The following POLE variants were observed in gnomAD, a reference collection of about 807,000 sequenced individuals.
POLE encodes DNA polymerase epsilon catalytic subunit A.
In POLE, 188 loss-of-function variants were observed where a neutral mutation model predicts 279.2. That is an observed-to-expected ratio of 0.67 (90% CI 0.60 to 0.76). The LOEUF (loss-of-function observed/expected upper bound fraction) is 0.76, where lower values mean the gene tolerates loss of function less well. Ranked by LOEUF, POLE falls within the 30% of genes least tolerant of loss-of-function variation. POLE has a pLI of 0.00. For missense variants in POLE, 2,703 were observed against 3,016.7 expected, an observed-to-expected ratio of 0.90 and a Z score of 2.44; for synonymous variants, 1,214 against 1,172.5, an observed-to-expected ratio of 1.04 and a Z score of -0.72.
intron 31 of POLE, 44 bp downstream of exon 31, chr12:132,649,262 C>T (rs2138603545): frequency 6.3e-7 from 1 of 1,588,540 alleles, no homozygotes; most frequent in Non-Finnish European, 8.6e-7. Context: ...CCTCCCTGGG[C>T]CATCAGCAGA....
chr12:132,635,590 G>A (rs540569058), intron 42 of POLE, among the ~76,000 whole-genome samples: 1 of 152,384 alleles, frequency 6.6e-6, no homozygotes, highest in Non-Finnish European at 1.5e-5. Context: ...TCCGCTGGAG[G>A]CGCCTTATGC....
chr12:132,672,398 C>A, intron 15 of POLE, 76 bp from the exon 16 acceptor site: 1 of 1,276,658 alleles, frequency 7.8e-7, no homozygotes, highest in Non-Finnish European at 1.1e-6. Context: ...GACGCTGTGG[C>A]TGCACGTGGC....
chr12:132,637,890 T>C, intron 41 of POLE, 124 bp downstream of exon 41: 2 of 1,058,830 alleles, frequency 1.9e-6, no homozygotes, highest in African/African-American at 3.2e-5. Context: ...AGATTCACCA[T>C]GGTGAGTCCT....
At chr12:132,640,487 G>A (rs1002500802) in intron 39 of POLE, among the ~76,000 whole-genome samples, 19 of 152,366 alleles carry the variant, frequency 1.2e-4, no homozygotes, top group Admixed American at 9.8e-4. Context: ...CAAGTTTCCC[G>A]TTCCGGGGGG....
chr12:132,625,840 A>T, intron 46 of POLE, 70 bp from the exon 47 acceptor site: 4 of 1,491,052 alleles, frequency 2.7e-6, no homozygotes, highest in Non-Finnish European at 3.7e-6. Context: ...GCAGGATCTC[A>T]GGAGAGGAAG....
At chr12:132,665,173 C>A in intron 21 of POLE, 129 bp downstream of exon 21, 1 of 1,037,734 alleles carries the variant, frequency 9.6e-7, no homozygotes. Flanking sequence ...AGCCCAAAGC[C>A]TTCTCCCTCC....
intron 29 of POLE, among the ~76,000 whole-genome samples, chr12:132,654,320 G>A (rs559119980): frequency 7.4e-4 from 112 of 151,614 alleles, no homozygotes; most frequent in Non-Finnish European, 2.2e-4. Flanking sequence ...CTATCCTCCC[G>A]CCTCTGCCTC....
chr12:132,650,270 A>G (rs1280536799), intron 29 of POLE: 8 of 249,220 alleles, frequency 3.2e-5, no homozygotes, highest in Non-Finnish European at 6.4e-5. Flanking sequence ...GAAATCTAGT[A>G]TAAGTATATC....
intron 29 of POLE, chr12:132,650,975 A>T (rs774239433): frequency 1.4e-5 from 2 of 147,940 alleles, no homozygotes; most frequent in Non-Finnish European, 3.0e-5. Flanking sequence ...CCTGGGTTCA[A>T]GCAATTCTGC....
chr12:132,627,726 C>A (rs1258205323), intron 45 of POLE, among the ~76,000 whole-genome samples: 2 of 152,204 alleles, frequency 1.3e-5, no homozygotes, highest in African/African-American at 2.4e-5. Context: ...TCTGAGCCTT[C>A]AGTGAGTCGC....
chr12:132,629,342 G>A (rs898525634), intron 45 of POLE, among the ~76,000 whole-genome samples: 1 of 152,206 alleles, frequency 6.6e-6, no homozygotes, highest in Non-Finnish European at 1.5e-5. Flanking sequence ...CAGGCTCTGA[G>A]GCCTCCTCTC....
intron 6 of POLE, among the ~76,000 whole-genome samples, chr12:132,679,281 C>T (rs1231690764): frequency 3.3e-5 from 5 of 152,164 alleles, no homozygotes; most frequent in Non-Finnish European, 7.4e-5. Flanking sequence ...CATAAACCCA[C>T]CCCTCCATTG....
rs777546371 is a variant in POLE at position 132,649,321 on chromosome 12, C to T, written c.3990G>A (p.Pro1330=). The T allele has an allele frequency of 2.4e-5, 38 of 1,613,534 alleles. No homozygotes were observed. The highest frequency in any genetic ancestry group is 2.7e-5 in the Non-Finnish European group (32 of 1,180,026). The change falls in exon 31 of 49, where the codon CCG becomes CCA. Residue 1330 remains proline, a synonymous_variant. Coordinates refer to ENST00000320574, the MANE Select transcript of POLE (RefSeq NM_006231.4). ...AGGTCTATACCTGCACAATCTGCCA[C>T]GGAAGGTCCAGGATGCTGCGGGCAG... ...RRTARSILDL[P]WQIVQISETS... is the part of the protein sequence containing the mutation.
In POLE at chr12:132,667,551, G is replaced by C. The variant is rs765532123; in HGVS notation, c.2271C>G (p.Thr757=). The C allele has an allele frequency of 1.2e-6, 2 of 1,613,890 alleles. No homozygotes were observed. The highest frequency in any genetic ancestry group is 1.7e-6 in the Non-Finnish European group (2 of 1,179,960). ...AACGCCTGTCCCGGAAGGCACGCAC[G>C]GTGTCCACGTAGAAGGAGTTTTCCC... ...CQRENSFYVD[T]VRAFRDRRYE... The change falls in exon 20 of 49, where the codon ACC becomes ACG. Residue 757 remains threonine (T), a synonymous_variant. Transcript: ENST00000320574.
chr12:132,626,747 G>C (rs534838115), intron 45 of POLE, among the ~76,000 whole-genome samples: 13 of 152,086 alleles, frequency 8.5e-5, no homozygotes, highest in African/African-American at 3.1e-4. Flanking sequence ...TCCAGAAAGA[G>C]ACTCACATAG....
chr12:132,672,483 G>T, intron 15 of POLE, 144 bp downstream of exon 15: 2 of 1,057,260 alleles, frequency 1.9e-6, no homozygotes, highest in South Asian at 1.4e-5. Context: ...AAGCCCCCGG[G>T]GGGTGCTGGG....
intron 1 of POLE, among the ~76,000 whole-genome samples, chr12:132,682,816 G>A (rs1482015484): frequency 1.3e-5 from 2 of 151,954 alleles, no homozygotes; most frequent in African/African-American, 2.4e-5. Context: ...AGCCGGGCGT[G>A]GTGGCGGGCG....
At chr12:132,677,294 C>T in intron 8 of POLE, 69 bp downstream of exon 8, 2 of 1,069,624 alleles carry the variant, frequency 1.9e-6, no homozygotes, top group Non-Finnish European at 2.9e-6. Context: ...ATTCACTCTC[C>T]AGCACTGAAG....
In POLE at chr12:132,661,042, C is replaced by T. The variant is rs2138690017; in HGVS notation, c.2987G>A (p.Gly996Asp). The T allele has an allele frequency of 4.3e-6, 7 of 1,614,128 alleles. No homozygotes were observed. The highest frequency in any genetic ancestry group is 5.9e-6 in the Non-Finnish European group (7 of 1,180,016). ...GCCATACACCTCTTCCAGCGTGCTGCCCTTGAGGAAGGCCTCAAACACCGA... is the reference window on the plus strand; with the variant it reads ...GCCATACACCTCTTCCAGCGTGCTGTCCTTGAGGAAGGCCTCAAACACCGA... ...QSSVFEAFLK[G>D]STLEEVYGSV... The change falls in exon 25 of 49, where the codon GGC becomes GAC. Residue 996 changes from glycine to aspartate, a missense_variant. Around this residue, in one of 5 missense-constraint regions of POLE, gnomAD observed 19 missense variants for 51.5 expected, o/e 0.37. Coordinates refer to ENST00000320574, the MANE Select transcript of POLE (RefSeq NM_006231.4). This position sits in a 1 kb window ranked among gnomAD's most constrained non-coding sequence, Gnocchi z 4.1.
Sources: allele counts gnomAD v4.1 joint callset (sites outside exome capture counted in the v4.1 genomes callset), GRCh38; gene constraint gnomAD v4.1.1; regional missense constraint gnomAD v4.1.1; non-coding constraint Gnocchi (gnomAD v3.1); transcripts MANE v1.5; gene names NCBI Gene and HGNC (gene_info 2026-07-23, HGNC 2026-07-21).